Variants in SAMMSON observed in about 807,000 individuals in gnomAD.
SAMMSON encodes the protein long intergenic non-protein coding RNA 1212.
chr3:70,179,091 A>G (rs547380944), intron 4 of SAMMSON, among the ~76,000 whole-genome samples: 85 of 152,284 alleles, frequency 5.6e-4, no homozygotes, highest in African/African-American at 1.9e-3. Context: ...CAATAATCTC[A>G]TGAGAGAGGC....
intron 6 of SAMMSON, among the ~76,000 whole-genome samples, chr3:70,260,302 C>T (rs1339928867): frequency 6.6e-6 from 1 of 152,118 alleles, no homozygotes; most frequent in Admixed American, 6.5e-5. Context: ...GTCTTCCCAT[C>T]GCCACTTCTT....
intron 3 of SAMMSON, among the ~76,000 whole-genome samples, chr3:70,018,029 A>G (rs1179393171): frequency 6.6e-6 from 1 of 152,120 alleles, no homozygotes; most frequent in Non-Finnish European, 1.5e-5. Flanking sequence ...CATCAGGGAT[A>G]TTGGTCTAAA....
At chr3:70,251,017 TA>T (rs1701761191) in intron 6 of SAMMSON, among the ~76,000 whole-genome samples, 1 of 152,260 alleles carries the variant, frequency 6.6e-6, no homozygotes, top group South Asian at 2.1e-4. Flanking sequence ...AATCACCATT[TA>T]AACGCCTTTC....
chr3:70,368,918 G>T (rs1422912134), intron 9 of SAMMSON, among the ~76,000 whole-genome samples: 3 of 151,524 alleles, frequency 2.0e-5, no homozygotes, highest in African/African-American at 7.3e-5. Flanking sequence ...AATTTTGATT[G>T]AATTGTGTTG....
intron 4 of SAMMSON, chr3:70,205,363 C>G (rs1370596852): frequency 1.3e-5 from 2 of 152,086 alleles, no homozygotes; most frequent in Admixed American, 1.3e-4. Flanking sequence ...TTCATATTAT[C>G]TGCAGGCAAC....
intron 3 of SAMMSON, among the ~76,000 whole-genome samples, chr3:70,059,945 G>A (rs2067181560): frequency 6.6e-6 from 1 of 152,106 alleles, no homozygotes; most frequent in Non-Finnish European, 1.5e-5. Flanking sequence ...GATCCTGAGT[G>A]TTATTGGTGA....
At chr3:70,331,497 A>G (rs1702621127) in intron 7 of SAMMSON, among the ~76,000 whole-genome samples, 1 of 152,232 alleles carries the variant, frequency 6.6e-6, no homozygotes, top group Non-Finnish European at 1.5e-5. Context: ...AGGCTTAAGC[A>G]TTCCACATAG....
chr3:70,107,229 G>A (rs1314519776), intron 4 of SAMMSON, among the ~76,000 whole-genome samples: 1 of 152,208 alleles, frequency 6.6e-6, no homozygotes, highest in African/African-American at 2.4e-5. Flanking sequence ...AGAGCCCAAA[G>A]AGAGTCCTAA....
At chr3:70,068,312 A>T (rs576023755) in intron 3 of SAMMSON, 1 of 152,094 alleles carries the variant, frequency 6.6e-6, no homozygotes, top group Non-Finnish European at 1.5e-5. Flanking sequence ...AAGATAAGAA[A>T]TATTGACTGA....
At chr3:70,297,224 G>A (rs1702299855) in intron 7 of SAMMSON, among the ~76,000 whole-genome samples, 1 of 151,972 alleles carries the variant, frequency 6.6e-6, no homozygotes, top group African/African-American at 2.4e-5. Context: ...CTAGCTCTTG[G>A]TAATTAGTTA....
intron 4 of SAMMSON, chr3:70,126,063 C>T: frequency 9.2e-7 from 1 of 1,084,896 alleles, no homozygotes; most frequent in Non-Finnish European, 1.4e-6. Flanking sequence ...GATGAAGGAC[C>T]TGTACATAGA....
chr3:70,309,590 A>G (rs923666377), intron 7 of SAMMSON, among the ~76,000 whole-genome samples: 1 of 152,150 alleles, frequency 6.6e-6, no homozygotes, highest in Admixed American at 6.6e-5. Context: ...TTTAGAAACC[A>G]TGCCTGCCTG....
At chr3:70,304,933 A>C (rs998797825) in intron 7 of SAMMSON, among the ~76,000 whole-genome samples, 1 of 150,606 alleles carries the variant, frequency 6.6e-6, no homozygotes, top group African/African-American at 2.4e-5. Context: ...CTTCCTTTCT[A>C]TCCAGCTACT....
intron 6 of SAMMSON, among the ~76,000 whole-genome samples, chr3:70,282,641 T>C (rs1187608861): frequency 6.6e-6 from 1 of 152,220 alleles, no homozygotes; most frequent in East Asian, 1.9e-4. Context: ...ACATGGTTCT[T>C]GCCCTCATTT....
At chr3:70,107,626 T>C (rs893636376) in intron 4 of SAMMSON, among the ~76,000 whole-genome samples, 5 of 151,956 alleles carry the variant, frequency 3.3e-5, no homozygotes, top group Admixed American at 2.0e-4. Flanking sequence ...TTAATTTGAA[T>C]TATTTGTGTG....
At chr3:70,283,092 T>A (rs1394295082) in intron 6 of SAMMSON, among the ~76,000 whole-genome samples, 1 of 152,134 alleles carries the variant, frequency 6.6e-6, no homozygotes, top group African/African-American at 2.4e-5. Flanking sequence ...CCAATAGGTC[T>A]TGGGTATATT....
chr3:70,053,007 A>G (rs1012796720), intron 3 of SAMMSON, among the ~76,000 whole-genome samples: 5 of 152,166 alleles, frequency 3.3e-5, no homozygotes, highest in Non-Finnish European at 7.4e-5. Flanking sequence ...AAGACAAAAA[A>G]TGCGTAATAA....
chr3:70,151,885 T>G (rs995753219), intron 4 of SAMMSON, among the ~76,000 whole-genome samples: 10 of 151,974 alleles, frequency 6.6e-5, no homozygotes, highest in Non-Finnish European at 8.8e-5. Context: ...AGTCTAAAAT[T>G]TTTAAACATA....
chr3:70,168,989 C>T (rs1335455623), intron 4 of SAMMSON, among the ~76,000 whole-genome samples: 1 of 151,878 alleles, frequency 6.6e-6, no homozygotes, highest in African/African-American at 2.4e-5. Context: ...AAGCTGCTCT[C>T]CTAATAGAAA....
Sources: allele counts gnomAD v4.1 joint callset (sites outside exome capture counted in the v4.1 genomes callset), GRCh38; gene constraint gnomAD v4.1.1; transcripts MANE v1.5; gene names NCBI Gene and HGNC (gene_info 2026-07-23, HGNC 2026-07-21).